Variants in EYS observed in about 807,000 individuals in gnomAD.
EYS encodes protein eyes shut homolog.
A neutral mutation model predicts 282.1 loss-of-function variants in EYS; 250 were observed. The ratio of observed to expected loss-of-function variants is 0.89; its 90% confidence interval spans 0.80 to 0.98. EYS has a LOEUF of 0.98. EYS is among the 50% of genes least tolerant of loss of function. The pLI, the probability that EYS is intolerant of heterozygous loss-of-function variation, is 0.00. For synonymous variants in EYS, 1,355 were observed against 1,282.9 expected (o/e 1.06, Z -1.20); for missense variants, 4,016 against 3,709.0 (o/e 1.08, Z -2.15).
intron 33 of EYS, among the ~76,000 whole-genome samples, chr6:64,017,130 G>A (rs1452950091): frequency 6.6e-6 from 1 of 151,924 alleles, no homozygotes; most frequent in Non-Finnish European, 1.5e-5. Context: ...AGGGAAAGCT[G>A]AAAGCAAAAT....
intron 12 of EYS, among the ~76,000 whole-genome samples, chr6:65,188,985 G>T (rs939591215): frequency 3.3e-5 from 5 of 151,454 alleles, no homozygotes; most frequent in Non-Finnish European, 7.4e-5. Flanking sequence ...CCATAAAATT[G>T]TGTAATTTGT....
At chr6:63,895,905 G>GTTTTTTTTTTT (rs10705427) in intron 35 of EYS, among the ~76,000 whole-genome samples, 2 of 124,364 alleles carry the variant, frequency 1.6e-5, no homozygotes, top group African/African-American at 6.3e-5. Context: ...ATCATGATTT[G>GTTTTTTTTTTT]TTTTTTTTTT....
At chr6:63,965,964 C>G (rs1766289130) in intron 35 of EYS, among the ~76,000 whole-genome samples, 1 of 152,160 alleles carries the variant, frequency 6.6e-6, no homozygotes, top group African/African-American at 2.4e-5. Context: ...ACTTATGCCA[C>G]CTGCTCTGTG....
intron 28 of EYS, among the ~76,000 whole-genome samples, chr6:64,406,075 G>C (rs1322918399): frequency 6.6e-6 from 1 of 152,122 alleles, no homozygotes; most frequent in Admixed American, 6.5e-5. Flanking sequence ...CAAGTTCACA[G>C]TAACCAAAAC....
intron 12 of EYS, among the ~76,000 whole-genome samples, chr6:65,061,090 T>G (rs1773561894): frequency 6.6e-6 from 1 of 151,950 alleles, no homozygotes; most frequent in Admixed American, 6.6e-5. Flanking sequence ...ATTTTGCGAC[T>G]GACTCTTCAA....
Position 65,405,171 on chromosome 6 carries a change from T to TA in EYS, c.1056+2dup. 1.2e-6 allele frequency: 2 copies of TA among 1,606,732 alleles called. No homozygotes were observed. The highest frequency in any genetic ancestry group is 1.7e-6 in the Non-Finnish European group (2 of 1,173,740). ...CTCACTTATATGTTAGATTGAGACT[T>TA]ACATTTGATATTTTGATGCAGTCAG... On this transcript the variant is annotated splice_region_variant and intron_variant, in intron 6 of 42. Transcript: ENST00000503581.
intron 22 of EYS, among the ~76,000 whole-genome samples, chr6:64,741,910 G>T (rs944788792): frequency 6.6e-6 from 1 of 152,138 alleles, no homozygotes; most frequent in Non-Finnish European, 1.5e-5. Flanking sequence ...CTTCCTAGGA[G>T]CAATGAGGCT....
chr6:64,047,069 CCT>C (rs959299371), intron 33 of EYS, among the ~76,000 whole-genome samples: 6 of 151,958 alleles, frequency 3.9e-5, no homozygotes, highest in African/African-American at 1.5e-4. Context: ...TTTTTTTCCC[CCT>C]CTCATTATTC....
At chr6:63,779,531 G>A (rs1770155181) in intron 39 of EYS, among the ~76,000 whole-genome samples, 1 of 151,600 alleles carries the variant, frequency 6.6e-6, no homozygotes, top group Non-Finnish European at 1.5e-5. Context: ...AAAAAGGACA[G>A]TTCAGTGAAA....
chr6:65,234,503 G>A (rs1160671404), intron 12 of EYS, among the ~76,000 whole-genome samples: 2 of 152,120 alleles, frequency 1.3e-5, no homozygotes, highest in Non-Finnish European at 2.9e-5. Flanking sequence ...AGCCTTTGGA[G>A]CTCTAATTGA....
At chr6:65,379,775 G>T (rs1464222119) in intron 8 of EYS, among the ~76,000 whole-genome samples, 1 of 151,822 alleles carries the variant, frequency 6.6e-6, no homozygotes, top group Non-Finnish European at 1.5e-5. Context: ...AAAGTCTCAG[G>T]ATACAATATC....
chr6:64,336,898 G>A (rs1770872945), intron 29 of EYS, among the ~76,000 whole-genome samples: 1 of 152,054 alleles, frequency 6.6e-6, no homozygotes, highest in Admixed American at 6.6e-5. Context: ...ACGAAGACAA[G>A]ATGGAAATTT....
chr6:64,657,774 G>T (rs1213844356), intron 22 of EYS, among the ~76,000 whole-genome samples: 1 of 152,128 alleles, frequency 6.6e-6, no homozygotes, highest in African/African-American at 2.4e-5. Context: ...CTTTCTCTCT[G>T]GCTGCCCTTA....
At chr6:63,873,350 G>GA (rs1772868705) in intron 35 of EYS, among the ~76,000 whole-genome samples, 1 of 152,122 alleles carries the variant, frequency 6.6e-6, no homozygotes, top group Non-Finnish European at 1.5e-5. Flanking sequence ...TTTTATGGCT[G>GA]CATAGTATTC....
intron 35 of EYS, among the ~76,000 whole-genome samples, chr6:63,869,413 A>T (rs1016704524): frequency 3.3e-5 from 5 of 152,110 alleles, no homozygotes; most frequent in African/African-American, 1.2e-4. Flanking sequence ...ACAAAAAAAT[A>T]AACTTCATTG....
intron 12 of EYS, among the ~76,000 whole-genome samples, chr6:65,083,409 T>C (rs765031099): frequency 4.6e-5 from 7 of 152,028 alleles, no homozygotes; most frequent in Non-Finnish European, 1.0e-4. Flanking sequence ...ATAGGTAGCA[T>C]CCAACATTAT....
chr6:64,682,543 C>T (rs752223065), intron 22 of EYS, among the ~76,000 whole-genome samples: 13 of 152,026 alleles, frequency 8.6e-5, no homozygotes, highest in Non-Finnish European at 1.8e-4. Context: ...CAGAGTATGA[C>T]CTTCCAGGGG....
At chr6:63,971,724 A>G (rs1021935444) in intron 35 of EYS, among the ~76,000 whole-genome samples, 11 of 152,242 alleles carry the variant, frequency 7.2e-5, no homozygotes, top group African/African-American at 2.4e-4. Flanking sequence ...TTCAGGCACA[A>G]TCCCACCACA....
At chr6:64,206,999 A>C (rs1165633380) in intron 31 of EYS, among the ~76,000 whole-genome samples, 2 of 151,986 alleles carry the variant, frequency 1.3e-5, no homozygotes, top group Admixed American at 6.6e-5. Flanking sequence ...AATAGGCCCC[A>C]GTGCGTGTTG....
Sources: gnomAD v4.1 joint callset for allele counts (sites outside exome capture counted in the v4.1 genomes callset) on GRCh38, gnomAD v4.1.1 for gene constraint, MANE v1.5 for transcripts, NCBI Gene and HGNC (gene_info 2026-07-23, HGNC 2026-07-21) for gene names.